ATP11A: variants seen among roughly 807,000 people sequenced by gnomAD.
ATP11A encodes the protein ATPase phospholipid transporting 11A, also known as phospholipid-transporting ATPase IH.
A neutral mutation model predicts 154.4 loss-of-function variants in ATP11A; 81 were observed. The ratio of observed to expected loss-of-function variants is 0.52; its 90% CI spans 0.44 to 0.63. The LOEUF is 0.63. Ranked by LOEUF, ATP11A falls within the 30% of genes least tolerant of loss-of-function variation. The pLI is 0.00. For missense variants in ATP11A, 1,316 were observed against 1,474.3 expected, an observed-to-expected ratio of 0.89 and a Z score of 1.76; for synonymous variants, 623 against 585.9, an observed-to-expected ratio of 1.06 and a Z score of -0.91.
intron 1 of ATP11A, among the ~76,000 whole-genome samples, chr13:112,778,381 A>G (rs891620800): frequency 6.6e-6 from 1 of 152,254 alleles, no homozygotes; most frequent in Non-Finnish European, 1.5e-5. Flanking sequence ...AACAGGGCCA[A>G]AACCTTGTAA....
At chr13:112,870,991 G>A (rs918872795) in intron 25 of ATP11A, among the ~76,000 whole-genome samples, 2 of 152,186 alleles carry the variant, frequency 1.3e-5, no homozygotes, top group African/African-American at 4.8e-5. Flanking sequence ...CCTCCTCCAC[G>A]GCCACCTGGG....
At chr13:112,758,565 A>G (rs2076896144) in intron 1 of ATP11A, among the ~76,000 whole-genome samples, 1 of 151,684 alleles carries the variant, frequency 6.6e-6, no homozygotes, top group East Asian at 1.9e-4. Flanking sequence ...CTGGGACTAC[A>G]GGCGCCCGCC....
chr13:112,694,451 C>G (rs1885554180), intron 1 of ATP11A, among the ~76,000 whole-genome samples: 1 of 152,122 alleles, frequency 6.6e-6, no homozygotes, highest in African/African-American at 2.4e-5. Flanking sequence ...AAACCGGGCA[C>G]CCTGACACTG....
At chr13:112,797,423 A>G (rs561931158) in intron 2 of ATP11A, among the ~76,000 whole-genome samples, 1 of 152,316 alleles carries the variant, frequency 6.6e-6, no homozygotes, top group African/African-American at 2.4e-5. Flanking sequence ...GGAAGCTCAG[A>G]GATAAATACA....
chr13:112,810,076 A>G (rs1242937914), intron 4 of ATP11A, among the ~76,000 whole-genome samples: 5 of 151,300 alleles, frequency 3.3e-5, no homozygotes. Flanking sequence ...TGCGGGTGTC[A>G]CAGAGTGAGC....
At chr13:112,865,197 G>A (rs1166750931) in intron 25 of ATP11A, among the ~76,000 whole-genome samples, 1 of 92,550 alleles carries the variant, frequency 1.1e-5, no homozygotes, top group Admixed American at 1.3e-4. Context: ...CACCTGCGCA[G>A]TAATTCAGTG....
At chr13:112,828,144 G>GA (rs2078986021) in intron 12 of ATP11A, among the ~76,000 whole-genome samples, 1 of 146,050 alleles carries the variant, frequency 6.8e-6, no homozygotes, top group Non-Finnish European at 1.5e-5. Flanking sequence ...TTGAGTAGGG[G>GA]GGAAAGCGCC....
intron 17 of ATP11A, among the ~76,000 whole-genome samples, chr13:112,843,815 G>A (rs1470758470): frequency 1.3e-5 from 2 of 152,188 alleles, no homozygotes; most frequent in Non-Finnish European, 2.9e-5. Flanking sequence ...TGCTGTCGAC[G>A]TGCGGATCAT....
At chr13:112,765,860 C>T (rs574135150) in intron 1 of ATP11A, among the ~76,000 whole-genome samples, 20 of 152,376 alleles carry the variant, frequency 1.3e-4, no homozygotes, top group Non-Finnish European at 2.4e-4. Flanking sequence ...AACGACCTCC[C>T]GTAAAGCAGC....
chr13:112,848,065 C>T (rs906856260), intron 17 of ATP11A, among the ~76,000 whole-genome samples: 8 of 152,046 alleles, frequency 5.3e-5, no homozygotes, highest in Non-Finnish European at 1.0e-4. Flanking sequence ...CATGTTTCCA[C>T]GGGCAACTGA....
At chr13:112,764,182 TG>T (rs2077023119) in intron 1 of ATP11A, among the ~76,000 whole-genome samples, 2 of 152,056 alleles carry the variant, frequency 1.3e-5, no homozygotes, top group Admixed American at 6.5e-5. Flanking sequence ...GATGGAACCC[TG>T]ACCCTAGGCG....
rs929463265 is a variant in ATP11A, at chr13:112,884,508, C to T, written c.*2642C>T. ...GATGATTTGAAATAGACAAGGGGCA[C>T]GAGATAAAAAAGAAAAGGATGAGAA... On this transcript the variant is annotated 3_prime_UTR_variant, in exon 30 of 30. Coordinates refer to ENST00000375645, the MANE Select transcript of ATP11A (RefSeq NM_015205.3). 4 of 152,026 alleles carry T rather than the reference C, an allele frequency of 2.6e-5. No individual in the cohort carries two copies. The highest frequency in any genetic ancestry group is 9.7e-5 in the African/African-American group (4 of 41,350). The allele number at this position is 152,026 out of a possible 1,614,324, so 9.4% of individuals were successfully genotyped here. A position where few individuals can be genotyped will look rare whatever the true frequency, so the allele number is the denominator to read the frequency against.
At chr13:112,818,726 C>T (rs940378801) in intron 6 of ATP11A, among the ~76,000 whole-genome samples, 1 of 152,226 alleles carries the variant, frequency 6.6e-6, no homozygotes, top group Non-Finnish European at 1.5e-5. Context: ...AGTTCTCAGG[C>T]CCTCCCTAGA....
At position 112,734,742 on chromosome 13, in the gene ATP11A, AC is replaced by A. The variant is rs548224427; in HGVS notation, c.39+44290del. On this transcript the variant is annotated intron_variant, in intron 1 of 29. Transcript: ENST00000375645. ...TCTCGACACCACAAAACTATCCTAT[AC>A]CCTGTACTTGGCTCACCTGCCCTCA... 5.0e-3 allele frequency among the ~76,000 whole-genome samples: 761 copies of A among 152,252 alleles called. 3 individuals are homozygous for A. The highest frequency in any genetic ancestry group is 8.1e-3 in the Non-Finnish European group (554 of 68,030).
chr13:112,863,069 G>T (rs111331927), intron 25 of ATP11A, among the ~76,000 whole-genome samples: 1 of 144,674 alleles, frequency 6.9e-6, no homozygotes, highest in Non-Finnish European at 1.5e-5. Flanking sequence ...TCCCAGCAGG[G>T]TCCATCACCA....
intron 16 of ATP11A, among the ~76,000 whole-genome samples, chr13:112,836,500 C>G (rs966844891): frequency 6.6e-6 from 1 of 152,166 alleles, no homozygotes; most frequent in Non-Finnish European, 1.5e-5. Flanking sequence ...CTTTTAGTGT[C>G]GAGTTGGGGC....
intron 1 of ATP11A, among the ~76,000 whole-genome samples, chr13:112,729,850 G>C (rs1336839844): frequency 6.6e-6 from 1 of 152,256 alleles, no homozygotes; most frequent in African/African-American, 2.4e-5. Context: ...TGTTGTCAGT[G>C]ATTAATCTGA....
intron 1 of ATP11A, among the ~76,000 whole-genome samples, chr13:112,735,945 C>T (rs1303489951): frequency 6.6e-6 from 1 of 151,982 alleles, no homozygotes; most frequent in Non-Finnish European, 1.5e-5. Context: ...GCTGCCGGGC[C>T]ACCTCCCGCA....
chr13:112,740,140 CTCTCTCTCTA>C (rs1244091115), intron 1 of ATP11A, among the ~76,000 whole-genome samples: 52 of 103,728 alleles, frequency 5.0e-4, no homozygotes, highest in African/African-American at 2.4e-3. Context: ...CTCTCTCTCT[CTCTCTCTCTA>C]TATATATATA....
Sources: allele counts gnomAD v4.1 joint callset (sites outside exome capture counted in the v4.1 genomes callset), GRCh38; gene constraint gnomAD v4.1.1; transcripts MANE v1.5; gene names NCBI Gene and HGNC (gene_info 2026-07-23, HGNC 2026-07-21).